BOLL: variants seen among roughly 807,000 people sequenced by gnomAD.
BOLL encodes boule RNA binding protein, also known as protein boule-like.
BOLL carries 23 observed loss-of-function variants against 44.4 expected under a neutral mutation model. The observed-to-expected ratio is 0.52, with a 90% CI of 0.37 to 0.73. The LOEUF (loss-of-function observed/expected upper bound fraction) is 0.73. Among genes scored for constraint, BOLL ranks in the 30% least tolerant of loss-of-function variants. The pLI is 0.00. For missense variants in BOLL, 287 were observed against 338.3 expected, an observed-to-expected ratio of 0.85 and a Z score of 1.19; for synonymous variants, 97 against 110.8, an observed-to-expected ratio of 0.88 and a Z score of 0.78.
At chr2:197,752,147 A>G (rs1422786699) in intron 9 of BOLL, among the ~76,000 whole-genome samples, 1 of 152,238 alleles carries the variant, frequency 6.6e-6, no homozygotes, top group Non-Finnish European at 1.5e-5. Flanking sequence ...GATGGAATGT[A>G]TCTCAAAATA....
intron 7 of BOLL, chr2:197,758,835 T>A (rs1014223700): frequency 1.3e-6 from 1 of 785,860 alleles, no homozygotes; most frequent in Admixed American, 3.0e-5. Context: ...AACTGACATA[T>A]GTTAACATTA....
intron 9 of BOLL, among the ~76,000 whole-genome samples, chr2:197,752,657 C>T (rs537334351): frequency 3.9e-5 from 6 of 152,230 alleles, no homozygotes; most frequent in Middle Eastern, 3.4e-3. Flanking sequence ...TATGAGAGGA[C>T]ACAATCAAAT....
chr2:197,744,022 G>A (rs965065644), intron 9 of BOLL, among the ~76,000 whole-genome samples: 1 of 152,128 alleles, frequency 6.6e-6, no homozygotes, highest in African/African-American at 2.4e-5. Flanking sequence ...TGTTAGCCAG[G>A]ATGGTCTTGA....
At chr2:197,735,480 G>A (rs1187734274) in intron 10 of BOLL, among the ~76,000 whole-genome samples, 1 of 151,976 alleles carries the variant, frequency 6.6e-6, no homozygotes, top group Admixed American at 6.6e-5. Flanking sequence ...ACTTTTGCCT[G>A]TAATATTTAA....
intron 3 of BOLL, among the ~76,000 whole-genome samples, chr2:197,778,748 T>C (rs1249312616): frequency 6.6e-6 from 1 of 151,588 alleles, no homozygotes; most frequent in East Asian, 1.9e-4. Context: ...CCTCCACCCA[T>C]GCAAGAATAA....
intron 10 of BOLL, among the ~76,000 whole-genome samples, chr2:197,732,517 T>G (rs1687240547): frequency 2.0e-5 from 3 of 152,026 alleles, no homozygotes; most frequent in Non-Finnish European, 4.4e-5. Context: ...AAAAAGAGAA[T>G]TTTAGACCAA....
chr2:197,747,214 T>G (rs894222807), intron 9 of BOLL, among the ~76,000 whole-genome samples: 7 of 152,146 alleles, frequency 4.6e-5, no homozygotes, highest in Admixed American at 6.5e-5. Flanking sequence ...TGCTATACAC[T>G]GTAAATGTAT....
chr2:197,763,647 T>C (rs979838772), intron 7 of BOLL, among the ~76,000 whole-genome samples: 2 of 152,086 alleles, frequency 1.3e-5, no homozygotes, highest in Admixed American at 6.6e-5. Flanking sequence ...TTCCAAAAAA[T>C]TGAAGCAGAG....
intron 9 of BOLL, among the ~76,000 whole-genome samples, chr2:197,748,573 G>T (rs2106335670): frequency 6.6e-6 from 1 of 152,286 alleles, no homozygotes; most frequent in South Asian, 2.1e-4. Flanking sequence ...CATTACTGAG[G>T]CTTGAGTAAG....
chr2:197,773,047 G>C (rs1689337612), intron 5 of BOLL, among the ~76,000 whole-genome samples: 1 of 151,220 alleles, frequency 6.6e-6, no homozygotes, highest in African/African-American at 2.4e-5. Context: ...TTGCTCCTCA[G>C]CTTTTATATT....
intron 1 of BOLL, among the ~76,000 whole-genome samples, chr2:197,782,746 A>G (rs932107858): frequency 6.6e-6 from 1 of 152,224 alleles, no homozygotes; most frequent in African/African-American, 2.4e-5. Context: ...CGACAAGTTA[A>G]TAAACTCTAA....
At chr2:197,771,800 C>T (rs1689276838) in intron 6 of BOLL, 55 bp downstream of exon 6, 2 of 1,443,804 alleles carry the variant, frequency 1.4e-6, no homozygotes, top group South Asian at 1.4e-5. Context: ...ATATAACAAA[C>T]ATTAAAAAAT....
chr2:197,770,350 A>G (rs1689187625), intron 6 of BOLL, among the ~76,000 whole-genome samples: 14 of 152,306 alleles, frequency 9.2e-5, no homozygotes, highest in Admixed American at 7.8e-4. Context: ...TTAATTCAAG[A>G]TAGATTAAAG....
In BOLL at chr2:197,727,769, A is replaced by G. The variant is rs1686908627; in HGVS notation, c.*786T>C. ...ATGAACCCTTTTATCAAAATTCCAA[A>G]GGTGGATCCATATTTTATAAAATTT... is the stretch of plus-strand genomic sequence containing the variant. On this transcript the variant is annotated 3_prime_UTR_variant, in exon 11 of 11. Coordinates refer to ENST00000392296, the MANE Select transcript of BOLL (RefSeq NM_033030.6). 6.6e-6 allele frequency: 1 copy of G among 152,302 alleles called. No homozygotes were observed. Among genetic ancestry groups the G allele is most frequent in the African/African-American group, 2.4e-5 (1 of 41,460 alleles). The allele number at this position is 152,302 out of a possible 1,614,324, so 9.4% of individuals were successfully genotyped here. A position where few individuals can be genotyped will look rare whatever the true frequency, so the allele number is the denominator to read the frequency against.
At chr2:197,777,215 T>C in intron 3 of BOLL, 102 bp from the exon 4 acceptor site, 2 of 671,752 alleles carry the variant, frequency 3.0e-6, no homozygotes, top group Non-Finnish European at 4.5e-6. Context: ...CATCGGCCAC[T>C]GTAGGAGTAG....
chr2:197,785,886 G>A (rs890352046), upstream of BOLL: 5 of 1,042,810 alleles, frequency 4.8e-6, no homozygotes, highest in African/African-American at 7.8e-5. The surrounding 1 kb of genome is among the most constrained non-coding windows in gnomAD (Gnocchi z 6.7). Flanking sequence ...GAGCGTTTGG[G>A]GCCTTCACCT....
rs1293052753 is a variant in BOLL, at chr2:197,764,113, A to G, written c.552+2419T>C. 3.3e-5 allele frequency among the ~76,000 whole-genome samples: 5 copies of G among 152,326 alleles called. No homozygotes were observed. In the East Asian group the frequency reaches 5.8e-4, roughly 18 times the overall value. On this transcript the variant is annotated intron_variant, in intron 7 of 10. Transcript: ENST00000392296. ...AGGAATGCAAACTAGTACAACCACT[A>G]TGGAAAACAGTATGGAGATCCCTGA... is the stretch of plus-strand genomic sequence containing the variant.
chr2:197,754,404 C>A (rs1327163624), intron 9 of BOLL, among the ~76,000 whole-genome samples: 1 of 151,972 alleles, frequency 6.6e-6, no homozygotes, highest in Non-Finnish European at 1.5e-5. Context: ...AATGTAAAAC[C>A]CGAAACTATA....
At chr2:197,743,209 A>G in intron 9 of BOLL, 50 bp from the exon 10 acceptor site, 1 of 1,362,400 alleles carries the variant, frequency 7.3e-7, no homozygotes. Context: ...TATTAATTCT[A>G]AATATTTACT....
Sources: gnomAD v4.1 joint callset for allele counts (sites outside exome capture counted in the v4.1 genomes callset) on GRCh38, gnomAD v4.1.1 for gene constraint, Gnocchi (gnomAD v3.1) non-coding constraint, MANE v1.5 for transcripts, NCBI Gene and HGNC (gene_info 2026-07-23, HGNC 2026-07-21) for gene names.